TMEM132C: variants seen among roughly 807,000 people sequenced by gnomAD.
TMEM132C encodes protein phosphatase 1, regulatory subunit 152.
Under a neutral mutation model 61.4 loss-of-function variants are expected in TMEM132C, and 29 were observed. The observed-to-expected ratio is 0.47, with a 90% CI of 0.35 to 0.64. TMEM132C has a LOEUF of 0.64. Ranked by LOEUF, TMEM132C falls within the 30% of genes least tolerant of loss-of-function variation. The pLI, the probability that TMEM132C is intolerant of heterozygous loss-of-function variation, is 0.00. For synonymous variants in TMEM132C, 656 were observed against 633.1 expected (o/e 1.04, Z -0.54); for missense variants, 1,408 against 1,476.9 (o/e 0.95, Z 0.76).
rs773987513 is a variant in TMEM132C at position 128,449,035 on chromosome 12, G to T, written c.974+33415G>T. On this transcript the variant is annotated intron_variant, in intron 2 of 8. Transcript: ENST00000435159. ...ACCTGTAGTCCCAGCTACTCGGGAGGCTGAGACAGGAGAACGGCGTGAACC... is the reference window on the plus strand; with the variant it reads ...ACCTGTAGTCCCAGCTACTCGGGAGTCTGAGACAGGAGAACGGCGTGAACC... 9.2e-4 allele frequency among the ~76,000 whole-genome samples: 139 copies of T among 150,808 alleles called. 1 individual carries two copies. Among genetic ancestry groups the T allele is most frequent in the Non-Finnish European group, 2.4e-4 (16 of 67,826 alleles).
chr12:128,277,629 C>T (rs1198925124), intron 1 of TMEM132C, among the ~76,000 whole-genome samples: 2 of 152,198 alleles, frequency 1.3e-5, no homozygotes, highest in East Asian at 3.8e-4. Flanking sequence ...GATGCCCAAA[C>T]ACAGGTGGAG....
At chr12:128,418,606 G>A (rs1868864900) in intron 2 of TMEM132C, among the ~76,000 whole-genome samples, 1 of 152,216 alleles carries the variant, frequency 6.6e-6, no homozygotes, top group African/African-American at 2.4e-5. Flanking sequence ...TACAGTGATT[G>A]CTCGTAGACC....
intron 4 of TMEM132C, among the ~76,000 whole-genome samples, chr12:128,629,036 A>G (rs1410754707): frequency 3.3e-5 from 5 of 152,272 alleles, no homozygotes; most frequent in Middle Eastern, 3.4e-3. Context: ...ATTTTGGAGG[A>G]AAAAAATGGG....
At chr12:128,569,051 C>T (rs1021097692) in intron 3 of TMEM132C, among the ~76,000 whole-genome samples, 2 of 152,150 alleles carry the variant, frequency 1.3e-5, no homozygotes, top group African/African-American at 4.8e-5. Context: ...TGTGACCTGC[C>T]AGTTGAGGAC....
intron 4 of TMEM132C, among the ~76,000 whole-genome samples, chr12:128,633,432 A>G (rs1954078255): frequency 6.6e-6 from 1 of 152,222 alleles, no homozygotes; most frequent in East Asian, 1.9e-4. Context: ...GTCCCTCACA[A>G]GTGCACAGAG....
intron 3 of TMEM132C, among the ~76,000 whole-genome samples, chr12:128,568,182 T>C (rs1444573849): frequency 6.6e-6 from 1 of 152,194 alleles, no homozygotes; most frequent in Admixed American, 6.5e-5. Context: ...CTTAACAATG[T>C]CATCTTGCCA....
chr12:128,303,176 G>A (rs1312520476), intron 1 of TMEM132C, among the ~76,000 whole-genome samples: 3 of 152,102 alleles, frequency 2.0e-5, no homozygotes, highest in African/African-American at 7.2e-5. Flanking sequence ...AAAACAAAAG[G>A]AATTATTCTA....
chr12:128,423,650 G>T (rs545662007), intron 2 of TMEM132C, among the ~76,000 whole-genome samples: 1 of 152,204 alleles, frequency 6.6e-6, no homozygotes, highest in East Asian at 1.9e-4. Context: ...TGGGAGGATT[G>T]TGTGAACCCA....
chr12:128,567,085 T>A (rs192287734), intron 3 of TMEM132C, among the ~76,000 whole-genome samples: 2 of 152,178 alleles, frequency 1.3e-5, no homozygotes, highest in Non-Finnish European at 2.9e-5. Context: ...TTCAGCTTAT[T>A]GACCCTTTAG....
At chr12:128,272,583 T>C (rs1870560378) in intron 1 of TMEM132C, among the ~76,000 whole-genome samples, 1 of 152,254 alleles carries the variant, frequency 6.6e-6, no homozygotes, top group Admixed American at 6.5e-5. Context: ...CATAAAATAC[T>C]GCAAACTCTT....
At chr12:128,347,189 T>C (rs1305881317) in intron 1 of TMEM132C, among the ~76,000 whole-genome samples, 1 of 152,178 alleles carries the variant, frequency 6.6e-6, no homozygotes, top group Non-Finnish European at 1.5e-5. Context: ...TAGTTTTCCA[T>C]TCTTGAGTTA....
chr12:128,577,502 A>G (rs1313698826), intron 3 of TMEM132C, among the ~76,000 whole-genome samples: 1 of 152,184 alleles, frequency 6.6e-6, no homozygotes, highest in Non-Finnish European at 1.5e-5. Context: ...CTGCTTTGGA[A>G]CCAAAGCTGT....
chr12:128,412,654 C>T (rs1868600056), intron 1 of TMEM132C, among the ~76,000 whole-genome samples: 1 of 152,160 alleles, frequency 6.6e-6, no homozygotes, highest in Non-Finnish European at 1.5e-5. Context: ...CTTTGCTCTT[C>T]CTTTGCCTTC....
intron 2 of TMEM132C, among the ~76,000 whole-genome samples, chr12:128,486,592 T>C (rs1416609712): frequency 6.6e-6 from 1 of 152,236 alleles, no homozygotes; most frequent in Non-Finnish European, 1.5e-5. Context: ...GGAGAAATGC[T>C]GTTTCCTTGA....
intron 2 of TMEM132C, among the ~76,000 whole-genome samples, chr12:128,429,386 A>G (rs1869308545): frequency 6.6e-6 from 1 of 152,220 alleles, no homozygotes; most frequent in Non-Finnish European, 1.5e-5. Flanking sequence ...CCGTGTGGCT[A>G]GGTAGATGAC....
At chr12:128,576,673 A>G (rs534065611) in intron 3 of TMEM132C, among the ~76,000 whole-genome samples, 6 of 152,242 alleles carry the variant, frequency 3.9e-5, no homozygotes, top group African/African-American at 7.2e-5. Flanking sequence ...TGTGTTACAC[A>G]TGTGAAAATT....
At chr12:128,621,482 A>C (rs1953963000) in intron 4 of TMEM132C, among the ~76,000 whole-genome samples, 1 of 152,212 alleles carries the variant, frequency 6.6e-6, no homozygotes, top group Admixed American at 6.5e-5. Flanking sequence ...AGGGAAGCAA[A>C]GACTAGCTGG....
At chr12:128,664,418 A>G (rs1954436380) in intron 4 of TMEM132C, among the ~76,000 whole-genome samples, 1 of 152,192 alleles carries the variant, frequency 6.6e-6, no homozygotes, top group Non-Finnish European at 1.5e-5. Context: ...TACCTTATTG[A>G]TTATTTTCAG....
rs140043770 is a variant in TMEM132C at position 128,366,031 on chromosome 12, C to T, written c.86-48701C>T. On this transcript the variant is annotated intron_variant, in intron 1 of 8. Coordinates refer to ENST00000435159, the MANE Select transcript of TMEM132C (RefSeq NM_001136103.3). ...GCGGGCCGTGATTAAACACATTGCCCGCTTTGTTGCCGAGATGGTGTTTCG... is the reference window on the plus strand; with the variant it reads ...GCGGGCCGTGATTAAACACATTGCCTGCTTTGTTGCCGAGATGGTGTTTCG... 1.8e-4 allele frequency among the ~76,000 whole-genome samples: 28 copies of T among 152,332 alleles called. 1 individual carries two copies. The highest frequency in any genetic ancestry group is 1.3e-3 in the Admixed American group (20 of 15,308).
Sources: allele counts gnomAD v4.1 joint callset (sites outside exome capture counted in the v4.1 genomes callset), GRCh38; gene constraint gnomAD v4.1.1; transcripts MANE v1.5; gene names NCBI Gene and HGNC (gene_info 2026-07-23, HGNC 2026-07-21).